Variants in SAMM50 observed in about 807,000 individuals in gnomAD.
SAMM50 encodes the protein SAMM50 sorting and assembly machinery component, also known as sorting and assembly machinery component 50 homolog.
In SAMM50, 47 loss-of-function variants were observed where a neutral mutation model predicts 66.9. That is an observed-to-expected ratio of 0.70 (90% CI 0.56 to 0.90). The LOEUF (loss-of-function observed/expected upper bound fraction) is 0.90. Ranked by LOEUF, SAMM50 falls within the 40% of genes least tolerant of loss-of-function variation. SAMM50 has a pLI of 0.00. For missense variants in SAMM50, 535 were observed against 595.3 expected, an observed-to-expected ratio of 0.90 and a Z score of 1.05; for synonymous variants, 191 against 214.1, an observed-to-expected ratio of 0.89 and a Z score of 0.94.
In SAMM50 at chr22:43,966,452, G is replaced by A. The variant is rs2050173917; in HGVS notation, c.234+1899G>A. Among the ~76,000 whole-genome samples the A allele has an allele frequency of 2.6e-5, 4 of 152,096 alleles. No homozygotes were observed. In the South Asian group the frequency reaches 8.3e-4, roughly 32 times the overall value. ...GGCTCACTGCAACCTCCGCCTCCTG[G>A]GTTCAAGTGATTCTCCTGCTTCAGC... On this transcript the variant is annotated intron_variant, in intron 3 of 14. Transcript: ENST00000350028.
rs528784609 is a variant in SAMM50, at chr22:43,955,456, G to T, written c.-122G>T. 4.9e-4 allele frequency: 565 copies of T among 1,159,530 alleles called. 4 individuals are homozygous for T. In the South Asian group the frequency reaches 7.2e-3, roughly 15 times the overall value. 71.8% of individuals were successfully genotyped at this position (1,159,530 alleles called of 1,614,324 possible). ...TGGCCGCCCCCAGTGTTCCGCGTCCGGGGGTTTGTGGGAGTTGCCTTGACC... is the reference window on the plus strand; with the variant it reads ...TGGCCGCCCCCAGTGTTCCGCGTCCTGGGGTTTGTGGGAGTTGCCTTGACC... On this transcript the variant is annotated 5_prime_UTR_variant, in exon 1 of 15. Transcript: ENST00000350028.
intron 4 of SAMM50, among the ~76,000 whole-genome samples, chr22:43,969,227 C>T (rs534486819): frequency 6.6e-4 from 101 of 152,212 alleles, no homozygotes; most frequent in Non-Finnish European, 1.2e-3. Context: ...GCTTCGTTCA[C>T]ATAGCCCAGC....
intron 14 of SAMM50, among the ~76,000 whole-genome samples, chr22:43,990,670 G>C (rs1440689449): frequency 6.6e-6 from 1 of 152,080 alleles, no homozygotes; most frequent in South Asian, 2.1e-4. Flanking sequence ...CCCCTGCCAG[G>C]GTCTGGCTGG....
intron 13 of SAMM50, 78 bp downstream of exon 13, chr22:43,989,335 C>CT: frequency 8.5e-7 from 1 of 1,174,018 alleles, no homozygotes; most frequent in Non-Finnish European, 1.2e-6. Flanking sequence ...AAAGAGGTGT[C>CT]TGTCTTTTTT....
chr22:43,966,619 G>T (rs1379714313), intron 3 of SAMM50, among the ~76,000 whole-genome samples: 1 of 152,072 alleles, frequency 6.6e-6, no homozygotes, highest in African/African-American at 2.4e-5. Flanking sequence ...GCCTGCCAGA[G>T]TGCTGGGATT....
At chr22:43,972,834 T>C (rs766547331) in intron 5 of SAMM50, 37 bp from the exon 6 acceptor site, 1 of 1,570,866 alleles carries the variant, frequency 6.4e-7, no homozygotes, top group Admixed American at 2.0e-5. Context: ...ATTCCTTCAA[T>C]GTAGACCACT....
In SAMM50 at chr22:43,963,267, G is replaced by A. The variant is rs2050156637; in HGVS notation, c.22-19G>A. The A allele has an allele frequency of 1.3e-6, 2 of 1,500,364 alleles. No individual in the cohort carries two copies. Among genetic ancestry groups the A allele is most frequent in the Non-Finnish European group, 1.8e-6 (2 of 1,087,576 alleles). 92.9% of individuals were successfully genotyped at this position (1,500,364 alleles called of 1,614,324 possible). A position where few individuals can be genotyped will look rare whatever the true frequency, so the allele number is the denominator to read the frequency against. ...TATGTGACAAAGTCATTTATCTGTG[G>A]TCGCTCCCTCCCTTTCAGAGTTTGG... On this transcript the variant is annotated intron_variant, in intron 1 of 14. Coordinates refer to ENST00000350028, the MANE Select transcript of SAMM50 (RefSeq NM_015380.5).
At chr22:43,972,049 G>A (rs892680315) in intron 4 of SAMM50, among the ~76,000 whole-genome samples, 187 bp from the exon 5 acceptor site, 8 of 152,098 alleles carry the variant, frequency 5.3e-5, no homozygotes, top group African/African-American at 1.9e-4. Context: ...ATTTTTTGGT[G>A]TAGAGGTGTG....
chr22:43,971,076 G>A (rs1166276259), intron 4 of SAMM50, among the ~76,000 whole-genome samples: 2 of 152,142 alleles, frequency 1.3e-5, no homozygotes, highest in Non-Finnish European at 2.9e-5. Context: ...GCTGAGGCAG[G>A]AGAATTGCTT....
intron 10 of SAMM50, among the ~76,000 whole-genome samples, chr22:43,978,966 G>A (rs1047533204): frequency 6.6e-6 from 1 of 152,206 alleles, no homozygotes; most frequent in African/African-American, 2.4e-5. Flanking sequence ...CTTGGTTCCT[G>A]CCTTCCTCTG....
At chr22:43,961,481 G>T (rs1007546983) in intron 1 of SAMM50, among the ~76,000 whole-genome samples, 30 of 152,232 alleles carry the variant, frequency 2.0e-4, no homozygotes, top group African/African-American at 7.2e-4. Flanking sequence ...ATGGAGTCTT[G>T]CTCTGTCACC....
At chr22:43,981,350 G>T in intron 10 of SAMM50, 41 bp from the exon 11 acceptor site, 1 of 1,521,448 alleles carries the variant, frequency 6.6e-7, no homozygotes, top group South Asian at 1.1e-5. Context: ...GGAGTGAAAG[G>T]AATGCTGGGA....
intron 14 of SAMM50, among the ~76,000 whole-genome samples, chr22:43,993,914 G>T (rs148439683): frequency 1.3e-5 from 2 of 152,172 alleles, no homozygotes; most frequent in African/African-American, 2.4e-5. Context: ...CTGTTATGTC[G>T]CAAGTGATTT....
intron 4 of SAMM50, among the ~76,000 whole-genome samples, chr22:43,970,103 A>G (rs1475705044): frequency 6.6e-6 from 1 of 152,196 alleles, no homozygotes; most frequent in Admixed American, 6.5e-5. Flanking sequence ...TAACAGACCT[A>G]AAAGAACAGT....
intron 3 of SAMM50, 129 bp downstream of exon 3, chr22:43,964,682 G>T: frequency 1.8e-6 from 1 of 562,410 alleles, no homozygotes; most frequent in African/African-American, 1.9e-5. Flanking sequence ...ACCCCACAGG[G>T]AGCCTTGGCA....
At chr22:43,959,353 T>C (rs933510572) in intron 1 of SAMM50, among the ~76,000 whole-genome samples, 2 of 152,114 alleles carry the variant, frequency 1.3e-5, no homozygotes, top group Non-Finnish European at 2.9e-5. Flanking sequence ...CTAGTCTATC[T>C]CACTTTAAAG....
chr22:43,996,316 C>T, intron 14 of SAMM50, 22 bp from the exon 15 acceptor site: 1 of 1,613,958 alleles, frequency 6.2e-7, no homozygotes, highest in Non-Finnish European at 8.5e-7. Context: ...GCCGCCGCAT[C>T]TGATCTCTCC....
rs191304678 is a variant in SAMM50 at position 43,962,864 on chromosome 22, C to G, written c.22-422C>G. 7.3e-3 allele frequency among the ~76,000 whole-genome samples: 952 copies of G among 130,050 alleles called. 6 individuals are homozygous for G. The highest frequency in any genetic ancestry group is 0.012 in the Non-Finnish European group (741 of 62,300). 85.3% of individuals were successfully genotyped at this position (130,050 alleles called of 152,430 possible). ...CATGACATGTCATCATGGATTTGTG[C>G]GTGACCCTTTTGGTTAATTTTTTTT... is the stretch of plus-strand genomic sequence containing the variant. On this transcript the variant is annotated intron_variant, in intron 1 of 14. Transcript: ENST00000350028.
chr22:43,982,113 T>A (rs1335165590), intron 11 of SAMM50, among the ~76,000 whole-genome samples: 1 of 152,232 alleles, frequency 6.6e-6, no homozygotes, highest in Non-Finnish European at 1.5e-5. Flanking sequence ...AAACTTTTTT[T>A]TCAACCCTGC....
Sources: gnomAD v4.1 joint callset for allele counts (sites outside exome capture counted in the v4.1 genomes callset) on GRCh38, gnomAD v4.1.1 for gene constraint, MANE v1.5 for transcripts, NCBI Gene and HGNC (gene_info 2026-07-23, HGNC 2026-07-21) for gene names.